Variants in HAX1 observed in about 807,000 individuals in gnomAD.
HAX1 encodes HCLS1-associated protein X-1.
In HAX1, 27 loss-of-function variants were observed where a neutral mutation model predicts 31.1. That is an observed-to-expected ratio of 0.87 (90% confidence interval 0.64 to 1.20). The LOEUF (loss-of-function observed/expected upper bound fraction) is 1.20, where lower values mean the gene tolerates loss of function less well. Among genes scored for constraint, HAX1 ranks in the 50% most tolerant of loss-of-function variants. HAX1 has a pLI of 0.00. For missense variants in HAX1, 357 were observed against 361.6 expected (o/e 0.99, Z 0.10); for synonymous variants, 114 against 124.1 (o/e 0.92, Z 0.54).
At position 154,275,426 on chromosome 1, in the gene HAX1, G is replaced by C; in HGVS notation, c.697G>C (p.Glu233Gln). The change falls in exon 6 of 7, where the codon GAG becomes CAG. Residue 233 changes from glutamate to glutamine, a missense_variant. Glu to Gln is a conservative substitution (Grantham distance 29). Coordinates refer to ENST00000328703, the MANE Select transcript of HAX1 (RefSeq NM_006118.4). ...GGAGCGCCGGACTGTGGTGGACAGT[G>C]AGGGCCGGACAGAGACTACAGTAAC... The part of the protein sequence containing the change: ...VEERRTVVDS[E>Q]GRTETTVTRH... 4 of 1,614,180 alleles carry C rather than the reference G, an allele frequency of 2.5e-6. No individual in the cohort carries two copies. Among genetic ancestry groups the C allele is most frequent in the Non-Finnish European group, 3.4e-6 (4 of 1,180,036 alleles).
At position 154,273,375 on chromosome 1, in the gene HAX1, AGAT is replaced by A. The variant is rs560912060; in HGVS notation, c.102_104del (p.Asp34del). The A allele has an allele frequency of 7.1e-5, 115 of 1,613,914 alleles. No homozygotes were observed. The African/African-American group carries it at 1.2e-3, about 17-fold the overall frequency. On this transcript the variant is annotated inframe_deletion, in exon 2 of 7. Transcript: ENST00000328703. ...TTTTTGGAGGGATGACTCGAGATGAAGATGATGATGAGGAAGAAGAAGAAGAAG... is the reference window on the plus strand; with the variant it reads ...TTTTTGGAGGGATGACTCGAGATGAAGATGATGAGGAAGAAGAAGAAGAAG...
chr1:154,274,321 C>T (rs926148390), intron 3 of HAX1, among the ~76,000 whole-genome samples: 1 of 152,078 alleles, frequency 6.6e-6, no homozygotes, highest in Non-Finnish European at 1.5e-5. Context: ...AATCTCAGCT[C>T]ACTGCAACCT....
In HAX1 at chr1:154,272,710, G is replaced by A; in HGVS notation, c.-14G>A. 3.1e-6 allele frequency: 5 copies of A among 1,614,038 alleles called. No homozygotes were observed. Among genetic ancestry groups the A allele is most frequent in the Non-Finnish European group, 3.4e-6 (4 of 1,179,924 alleles). ...CCACTGGAGGGGTTCAAAGGTTCGCGTCCCAGTACGGGAATGAGCCTCTTT... is the reference window on the plus strand; with the variant it reads ...CCACTGGAGGGGTTCAAAGGTTCGCATCCCAGTACGGGAATGAGCCTCTTT... On this transcript the variant is annotated 5_prime_UTR_variant, in exon 1 of 7. Transcript: ENST00000328703.
chr1:154,275,159 G>A lies in HAX1; in HGVS notation c.562G>A (p.Asp188Asn). The change falls in exon 5 of 7, where the codon GAT becomes AAT. Residue 188 changes from aspartate to asparagine, a missense_variant. Physicochemically the swap from Asp to Asn is conservative, Grantham distance 23. Coordinates refer to ENST00000328703, the MANE Select transcript of HAX1 (RefSeq NM_006118.4). ...TCATCTCTCTGCTCTTCCAGATCTT[G>A]ATTCCCAGGTTTCCCAGGAGGGTCT... The part of the protein sequence containing the change: ...HPRTREDNDL[D>N]SQVSQEGLGP... 1 of 1,605,226 alleles carries A rather than the reference G, an allele frequency of 6.2e-7. No homozygotes were observed. The highest frequency in any genetic ancestry group is 1.1e-5 in the South Asian group (1 of 90,866).
intron 5 of HAX1, 46 bp downstream of exon 5, chr1:154,275,306 A>G: frequency 6.5e-7 from 1 of 1,548,380 alleles, no homozygotes; most frequent in East Asian, 2.2e-5. Context: ...CAGGGAACGA[A>G]TGCCCTGAAA....
intron 2 of HAX1, 68 bp downstream of exon 2, chr1:154,273,666 C>A (rs1360423478): frequency 6.3e-7 from 1 of 1,590,602 alleles, no homozygotes; most frequent in East Asian, 2.2e-5. Flanking sequence ...AAAGAGCCTG[C>A]AGGGAGTAGC....
At position 154,275,815 on chromosome 1, in the gene HAX1, C is replaced by T. The variant is rs1233746370; in HGVS notation, c.*114C>T. ...GGGCTTGGATATGTGGAATAGTGAACTGGGGCCATGTCAGTTTGTCACTCA... is the reference window on the plus strand; with the variant it reads ...GGGCTTGGATATGTGGAATAGTGAATTGGGGCCATGTCAGTTTGTCACTCA... On this transcript the variant is annotated 3_prime_UTR_variant, in exon 7 of 7. Coordinates refer to ENST00000328703, the MANE Select transcript of HAX1 (RefSeq NM_006118.4). 1.3e-6 allele frequency: 1 copy of T among 747,742 alleles called. No individual in the cohort carries two copies. 46.3% of individuals were successfully genotyped at this position (747,742 alleles called of 1,614,324 possible).
chr1:154,275,315 A>C, intron 5 of HAX1, 55 bp downstream of exon 5: 1 of 1,551,316 alleles, frequency 6.4e-7, no homozygotes, highest in Non-Finnish European at 8.9e-7. Context: ...AATGCCCTGA[A>C]ACAGGGATCT....
chr1:154,272,914 C>G, intron 1 of HAX1, 138 bp downstream of exon 1: 1 of 742,278 alleles, frequency 1.3e-6, no homozygotes, highest in South Asian at 1.6e-5. Context: ...ACATTGAACA[C>G]TCACCCCGCC....
In HAX1 at chr1:154,275,652, C is replaced by T. The variant is rs772915088; in HGVS notation, c.791C>T (p.Ala264Val). The T allele has an allele frequency of 1.9e-6, 3 of 1,613,846 alleles. No homozygotes were observed. The highest frequency in any genetic ancestry group is 1.6e-4 in the Middle Eastern group (1 of 6,082). ...ESPRPPALDDAFSILDLFLGR... is the reference protein window; with the variant it reads ...ESPRPPALDDVFSILDLFLGR... Reference sequence around the variant, plus strand: ...CCAAGACCTCCAGCCCTGGATGATGCCTTTTCCATCCTGGACTTATTCCTG... The same window carrying T: ...CCAAGACCTCCAGCCCTGGATGATGTCTTTTCCATCCTGGACTTATTCCTG... The change falls in exon 7 of 7, where the codon GCC becomes GTC. Residue 264 changes from alanine (A) to valine (V), a missense_variant. Ala to Val is a moderately conservative substitution (Grantham distance 64, BLOSUM62 0). Coordinates refer to ENST00000328703, the MANE Select transcript of HAX1 (RefSeq NM_006118.4).
At position 154,275,727 on chromosome 1, in the gene HAX1, A is replaced by G. The variant is rs762580184; in HGVS notation, c.*26A>G. ...CCTTGTTAACCCTCAGAGGCCTTCA[A>G]GTCCTTTCCACCTCTCACCCATTGC... is the stretch of plus-strand genomic sequence containing the variant. On this transcript the variant is annotated 3_prime_UTR_variant, in exon 7 of 7. Coordinates refer to ENST00000328703, the MANE Select transcript of HAX1 (RefSeq NM_006118.4). 2.7e-6 allele frequency: 4 copies of G among 1,483,280 alleles called. No homozygotes were observed. The highest frequency in any genetic ancestry group is 4.5e-5 in the East Asian group (2 of 44,258). The allele number at this position is 1,483,280 out of a possible 1,614,324, so 91.9% of individuals were successfully genotyped here. A position where few individuals can be genotyped will look rare whatever the true frequency, so the allele number is the denominator to read the frequency against.
chr1:154,274,045 C>T (rs367632771), intron 3 of HAX1, 84 bp downstream of exon 3: 191 of 1,266,932 alleles, frequency 1.5e-4, no homozygotes, highest in South Asian at 1.3e-3. Flanking sequence ...CGGTGGCTCA[C>T]GCCTGTAATC....
chr1:154,274,547 A>G (rs1216197287), intron 3 of HAX1, among the ~76,000 whole-genome samples: 1 of 152,140 alleles, frequency 6.6e-6, no homozygotes, highest in East Asian at 1.9e-4. Context: ...ATGCCTGGCC[A>G]AAGATTGCAA....
chr1:154,274,919 G>A (rs1466216819), intron 3 of HAX1, 31 bp from the exon 4 acceptor site: 1 of 1,563,166 alleles, frequency 6.4e-7, no homozygotes. Context: ...ATTGGAAGGA[G>A]TCTTTTCACT....
intron 1 of HAX1, chr1:154,273,124 G>C (rs1337937495): frequency 4.9e-6 from 3 of 606,468 alleles, no homozygotes; most frequent in Non-Finnish European, 8.6e-6. Context: ...TATGAAGGGA[G>C]CTGCGAGCTG....
At chr1:154,273,081 T>G (rs1439357391) in intron 1 of HAX1, 2 of 588,348 alleles carry the variant, frequency 3.4e-6, no homozygotes, top group East Asian at 2.8e-5. Flanking sequence ...GAGGAGGGAC[T>G]GGGGCACACT....
At chr1:154,274,014 A>G in intron 3 of HAX1, 53 bp downstream of exon 3, 1 of 1,528,210 alleles carries the variant, frequency 6.5e-7, no homozygotes, top group Non-Finnish European at 9.1e-7. Context: ...CCACTAATAA[A>G]GTGCAAAGAC....
rs969033259 is a variant in HAX1, at chr1:154,273,881, G to T, written c.424G>T (p.Gly142Trp). The T allele has an allele frequency of 1.8e-5, 29 of 1,613,934 alleles. No homozygotes were observed. The highest frequency in any genetic ancestry group is 2.1e-5 in the Non-Finnish European group (25 of 1,179,888). The stretch of plus-strand genomic sequence containing the variant: ...AGATAGTCACCAGCCCAGGATCTTT[G>T]GGGGGGTCTTGGAGAGTGATGCAAG... ...YPDSHQPRIF[G>W]GVLESDARSE... is the part of the protein sequence containing the mutation. Residue 142 changes from glycine (G) to tryptophan (W), a missense_variant, in exon 3 of 7, where the codon GGG becomes TGG. Transcript: ENST00000328703.
At position 154,272,792 on chromosome 1, in the gene HAX1, G is replaced by C; in HGVS notation, c.53+16G>C. On this transcript the variant is annotated intron_variant, in intron 1 of 6. Transcript: ENST00000328703. ...GACCTCGGAGGTGAGAGTAGGTCCG[G>C]CTCGGACAAGGGTGGGGGTCGTCTG... is the stretch of plus-strand genomic sequence containing the variant. The C allele has an allele frequency of 6.2e-7, 1 of 1,612,920 alleles. No individual in the cohort carries two copies. Among genetic ancestry groups the C allele is most frequent in the Non-Finnish European group, 8.5e-7 (1 of 1,178,914 alleles).
Sources: gnomAD v4.1 joint callset for allele counts (sites outside exome capture counted in the v4.1 genomes callset) on GRCh38, gnomAD v4.1.1 for gene constraint, MANE v1.5 for transcripts, NCBI Gene and HGNC (gene_info 2026-07-23, HGNC 2026-07-21) for gene names.